Variants in PRND observed in about 807,000 individuals in gnomAD.
PRND encodes the protein prion-like protein doppel.
For synonymous variants in PRND, 94 were observed against 93.2 expected (o/e 1.01, Z -0.05); for missense variants, 227 against 223.3 (o/e 1.02, Z -0.11).
intron 1 of PRND, among the ~76,000 whole-genome samples, chr20:4,722,888 GA>G (rs1923144012): frequency 6.6e-6 from 1 of 151,986 alleles, no homozygotes; most frequent in Admixed American, 6.5e-5. Context: ...GGCTATTGTA[GA>G]TTCAGGAGCC....
intron 1 of PRND, among the ~76,000 whole-genome samples, chr20:4,723,939 T>TGC (rs1491115267): frequency 1.8e-4 from 2 of 10,922 alleles, no homozygotes; most frequent in African/African-American, 1.9e-3. Flanking sequence ...CTCTAAAATA[T>TGC]GTGTGTGTGT....
Position 4,724,878 on chromosome 20 carries a change from C to A in PRND, c.327C>A (p.Ile109=), listed in dbSNP as rs1303607108. 2.5e-6 allele frequency: 4 copies of A among 1,614,212 alleles called. No homozygotes were observed. The highest frequency in any genetic ancestry group is 3.3e-5 in the Admixed American group (2 of 60,024). ...AGGAGGCATTTGTCACCGGCTGCAT[C>A]AATGCCACCCAGGCGGCGAACCAGG... is the stretch of plus-strand genomic sequence containing the variant. ...VTKEAFVTGC[I]NATQAANQGE... is the part of the protein sequence containing the mutation. Residue 109 remains isoleucine, a synonymous_variant, in exon 2 of 2, where the codon ATC becomes ATA. Coordinates refer to ENST00000305817, the MANE Select transcript of PRND (RefSeq NM_012409.4). This position sits in a 1 kb window ranked among gnomAD's most constrained non-coding sequence, Gnocchi z 4.8.
intron 1 of PRND, among the ~76,000 whole-genome samples, chr20:4,722,249 AT>A (rs369051815): frequency 2.0e-5 from 3 of 150,334 alleles, no homozygotes; most frequent in African/African-American, 7.4e-5. Flanking sequence ...CTGTGCTTTT[AT>A]TTTTTTTATT....
Position 4,724,562 on chromosome 20 carries a change from A to T in PRND, c.11A>T (p.His4Leu). The change falls in exon 2 of 2, where the codon CAC becomes CTC. Residue 4 changes from histidine (H) to leucine (L), a missense_variant. By Grantham distance (99) the His-to-Leu change is moderately conservative (BLOSUM62 -3). Coordinates refer to ENST00000305817, the MANE Select transcript of PRND (RefSeq NM_012409.4). The surrounding 1 kb of genome is among the most constrained non-coding windows in gnomAD (Gnocchi z 4.8). ...GCAGGTTCTGACGCGATGAGGAAGC[A>T]CCTGAGCTGGTGGTGGCTGGCCACT... MRK[H>L]LSWWWLATVC... The T allele has an allele frequency of 6.2e-7, 1 of 1,613,952 alleles. No homozygotes were observed. Among genetic ancestry groups the T allele is most frequent in the Non-Finnish European group, 8.5e-7 (1 of 1,180,028 alleles).
In PRND at chr20:4,723,978, G is replaced by A. The variant is rs890359587; in HGVS notation, c.-11-563G>A. 9.1e-5 allele frequency among the ~76,000 whole-genome samples: 13 copies of A among 142,604 alleles called. 1 individual carries two copies. The highest frequency in any genetic ancestry group is 2.5e-4 in the African/African-American group (9 of 36,318). The allele number at this position is 142,604 out of a possible 152,430, so 93.6% of individuals were successfully genotyped here. Reference sequence around the variant, plus strand: ...TGTGTGTGTGTGTGTGTGTGTGTATGTGTGTGTGTCTGTACATATACGTAT... The same window carrying A: ...TGTGTGTGTGTGTGTGTGTGTGTATATGTGTGTGTCTGTACATATACGTAT... On this transcript the variant is annotated intron_variant, in intron 1 of 1. Coordinates refer to ENST00000305817, the MANE Select transcript of PRND (RefSeq NM_012409.4).
chr20:4,723,795 G>T (rs923272982), intron 1 of PRND, among the ~76,000 whole-genome samples: 6 of 151,984 alleles, frequency 3.9e-5, no homozygotes, highest in Non-Finnish European at 5.9e-5. Flanking sequence ...AGCTGGGTGT[G>T]GTAGTGTGTG....
chr20:4,724,949 G>A lies in PRND; in HGVS notation c.398G>A (p.Trp133Ter). The part of the protein sequence containing the change: ...PDNKLHQQVL[W>*]RLVQELCSLK... ...AACAAGCTCCACCAGCAGGTGCTCT[G>A]GCGGCTGGTCCAGGAGCTCTGCTCC... is the stretch of plus-strand genomic sequence containing the variant. The change falls in exon 2 of 2, where the codon TGG becomes TAG. Residue 133 changes from tryptophan (W) to a stop codon, truncating the protein, a stop_gained. Transcript: ENST00000305817. LOFTEE classifies it low-confidence loss of function (END_TRUNC). The surrounding 1 kb of genome is among the most constrained non-coding windows in gnomAD (Gnocchi z 4.8). 6.2e-7 allele frequency: 1 copy of A among 1,614,140 alleles called. No individual in the cohort carries two copies. Among genetic ancestry groups the A allele is most frequent in the East Asian group, 2.2e-5 (1 of 44,868 alleles).
chr20:4,723,275 A>C (rs879713636), intron 1 of PRND, among the ~76,000 whole-genome samples: 4 of 152,190 alleles, frequency 2.6e-5, no homozygotes, highest in Non-Finnish European at 5.9e-5. Flanking sequence ...TCTGAATCCC[A>C]GGACAACATT....
At position 4,725,204 on chromosome 20, in the gene PRND, C is replaced by G; in HGVS notation, c.*122C>G. On this transcript the variant is annotated 3_prime_UTR_variant, in exon 2 of 2. Coordinates refer to ENST00000305817, the MANE Select transcript of PRND (RefSeq NM_012409.4). ...GCCCAGGAGCGGCGATGCACTCGCA[C>G]TGCAAATGCCGCTCTCACGTATGCG... is the stretch of plus-strand genomic sequence containing the variant. The G allele has an allele frequency of 1.6e-6, 2 of 1,262,986 alleles. No individual in the cohort carries two copies. Among genetic ancestry groups the G allele is most frequent in the East Asian group, 2.5e-5 (1 of 39,350 alleles). 78.2% of individuals were successfully genotyped at this position (1,262,986 alleles called of 1,614,324 possible).
rs770503044 is a variant in PRND at position 4,725,006 on chromosome 20, G to A, written c.455G>A (p.Gly152Asp). The A allele has an allele frequency of 2.5e-6, 4 of 1,613,562 alleles. No individual in the cohort carries two copies. Among genetic ancestry groups the A allele is most frequent in the Admixed American group, 1.7e-5 (1 of 60,002 alleles). Residue 152 changes from glycine to aspartate, a missense_variant, in exon 2 of 2, where the codon GGC becomes GAC. Coordinates refer to ENST00000305817, the MANE Select transcript of PRND (RefSeq NM_012409.4). ...CATTGCGAGTTTTGGTTGGAGAGGGGCGCAGGACTTCGGGTCACCATGCAC... is the reference window on the plus strand; with the variant it reads ...CATTGCGAGTTTTGGTTGGAGAGGGACGCAGGACTTCGGGTCACCATGCAC... ...LKHCEFWLERGAGLRVTMHQP... is the reference protein window; with the variant it reads ...LKHCEFWLERDAGLRVTMHQP...
In PRND at chr20:4,725,166, G is replaced by A. The variant is rs1387230230; in HGVS notation, c.*84G>A. On this transcript the variant is annotated 3_prime_UTR_variant, in exon 2 of 2. Transcript: ENST00000305817. ...CAGCTCTTCTCCCCCAAACCCACGCGTGTTCTGAAGGTGCCCAGGAGCGGC... is the reference window on the plus strand; with the variant it reads ...CAGCTCTTCTCCCCCAAACCCACGCATGTTCTGAAGGTGCCCAGGAGCGGC... The A allele has an allele frequency of 1.2e-5, 19 of 1,522,726 alleles. No individual in the cohort carries two copies. Among genetic ancestry groups the A allele is most frequent in the South Asian group, 8.5e-5 (7 of 82,186 alleles). 94.3% of individuals were successfully genotyped at this position (1,522,726 alleles called of 1,614,324 possible).
Position 4,725,020 on chromosome 20 carries a change from G to A in PRND, c.469G>A (p.Val157Ile). 3 of 1,613,552 alleles carry A rather than the reference G, an allele frequency of 1.9e-6. No individual in the cohort carries two copies. Among genetic ancestry groups the A allele is most frequent in the Non-Finnish European group, 2.5e-6 (3 of 1,179,960 alleles). ...FWLERGAGLR[V>I]TMHQPVLLCL... ...GTTGGAGAGGGGCGCAGGACTTCGG[G>A]TCACCATGCACCAGCCAGTGCTCCT... Residue 157 changes from valine to isoleucine, a missense_variant, in exon 2 of 2, where the codon GTC becomes ATC. By Grantham distance (29) the Val-to-Ile change is conservative. Transcript: ENST00000305817.
intron 1 of PRND, among the ~76,000 whole-genome samples, chr20:4,722,990 C>T (rs371395421): frequency 2.6e-4 from 40 of 152,280 alleles, no homozygotes; most frequent in East Asian, 2.3e-3. Context: ...CACCTTGACC[C>T]GGGACCCTCC....
Position 4,727,933 on chromosome 20 carries a change from C to T in PRND, c.*2851C>T, listed in dbSNP as rs1923328606. ...CCCAAGTAGGTGGGATTACAGGTGCCCACCACCAAGCCCTGCAAATTTTTT... is the reference window on the plus strand; with the variant it reads ...CCCAAGTAGGTGGGATTACAGGTGCTCACCACCAAGCCCTGCAAATTTTTT... On this transcript the variant is annotated 3_prime_UTR_variant, in exon 2 of 2. Transcript: ENST00000305817. 2 of 160,160 alleles carry T rather than the reference C, an allele frequency of 1.2e-5. No individual in the cohort carries two copies. The highest frequency in any genetic ancestry group is 6.6e-5 in the Admixed American group (1 of 15,254). 9.9% of individuals were successfully genotyped at this position (160,160 alleles called of 1,614,324 possible).
rs571957668 is a variant in PRND at position 4,724,786 on chromosome 20, G to A, written c.235G>A (p.Glu79Lys). 34 of 1,614,186 alleles carry A rather than the reference G, an allele frequency of 2.1e-5. No homozygotes were observed. Among genetic ancestry groups the A allele is most frequent in the Admixed American group, 3.3e-5 (2 of 60,032 alleles). ...CGGAGCCGAGGGCAACAGGTACTAC[G>A]AGGCCAACTACTGGCAGTTCCCCGA... ...DFGAEGNRYY[E>K]ANYWQFPDGI... Residue 79 changes from glutamate to lysine, a missense_variant, in exon 2 of 2, where the codon GAG (glutamate) becomes AAG (lysine). Transcript: ENST00000305817. The surrounding 1 kb of genome is among the most constrained non-coding windows in gnomAD (Gnocchi z 4.8).
Position 4,726,959 on chromosome 20 carries a change from C to A in PRND, c.*1877C>A, listed in dbSNP as rs1436855287. On this transcript the variant is annotated 3_prime_UTR_variant, in exon 2 of 2. Transcript: ENST00000305817. ...CACGTCACTGCCAGAGCTACACTCG[C>A]CTTCTGCTTCCACGGTCCTGTTAAT... is the stretch of plus-strand genomic sequence containing the variant. 1 of 167,100 alleles carries A rather than the reference C, an allele frequency of 6.0e-6. No homozygotes were observed. The highest frequency in any genetic ancestry group is 1.5e-5 in the Non-Finnish European group (1 of 68,154). The allele number at this position is 167,100 out of a possible 1,614,324, so 10.4% of individuals were successfully genotyped here.
At position 4,728,329 on chromosome 20, in the gene PRND, C is replaced by G. The variant is rs1923345770; in HGVS notation, c.*3247C>G. On this transcript the variant is annotated 3_prime_UTR_variant, in exon 2 of 2. Coordinates refer to ENST00000305817, the MANE Select transcript of PRND (RefSeq NM_012409.4). ...CAGCTATCTAGATAGCTGACTCATTCTTTTGGATTGCTACGTAATCTCACT... is the reference window on the plus strand; with the variant it reads ...CAGCTATCTAGATAGCTGACTCATTGTTTTGGATTGCTACGTAATCTCACT... 1 of 167,086 alleles carries G rather than the reference C, an allele frequency of 6.0e-6. No individual in the cohort carries two copies. Among genetic ancestry groups the G allele is most frequent in the Admixed American group, 6.5e-5 (1 of 15,288 alleles). 10.4% of individuals were successfully genotyped at this position (167,086 alleles called of 1,614,324 possible).
In PRND at chr20:4,727,773, T is replaced by C. The variant is rs1923317780; in HGVS notation, c.*2691T>C. ...ATTTTTACTTAACTTAATTCAATGC[T>C]TTCTACTCATTTTTCTATACTTTTT... On this transcript the variant is annotated 3_prime_UTR_variant, in exon 2 of 2. Transcript: ENST00000305817. 1 of 165,382 alleles carries C rather than the reference T, an allele frequency of 6.0e-6. No individual in the cohort carries two copies. Among genetic ancestry groups the C allele is most frequent in the South Asian group, 2.1e-4 (1 of 4,662 alleles). 10.2% of individuals were successfully genotyped at this position (165,382 alleles called of 1,614,324 possible). A position where few individuals can be genotyped will look rare whatever the true frequency, so the allele number is the denominator to read the frequency against.
Position 4,724,987 on chromosome 20 carries a change from G to C in PRND, c.436G>C (p.Glu146Gln). Residue 146 changes from glutamate (E) to glutamine (Q), a missense_variant, in exon 2 of 2, where the codon GAG (glutamate) becomes CAG (glutamine). Transcript: ENST00000305817. This position sits in a 1 kb window ranked among gnomAD's most constrained non-coding sequence, Gnocchi z 4.8. ...GGAGCTCTGCTCCCTCAAGCATTGC[G>C]AGTTTTGGTTGGAGAGGGGCGCAGG... ...VQELCSLKHC[E>Q]FWLERGAGLR... The C allele has an allele frequency of 6.2e-7, 1 of 1,613,808 alleles. No individual in the cohort carries two copies. Among genetic ancestry groups the C allele is most frequent in the Non-Finnish European group, 8.5e-7 (1 of 1,179,926 alleles).
Sources: gnomAD v4.1 joint callset for allele counts (sites outside exome capture counted in the v4.1 genomes callset) on GRCh38, gnomAD v4.1.1 for gene constraint, Gnocchi (gnomAD v3.1) non-coding constraint, MANE v1.5 for transcripts, NCBI Gene and HGNC (gene_info 2026-07-23, HGNC 2026-07-21) for gene names.